The following PPFIA2 variants were observed in gnomAD, a reference collection of about 807,000 sequenced individuals.
The protein encoded by PPFIA2 is liprin-alpha-2.
Under a neutral mutation model 175.5 loss-of-function variants are expected in PPFIA2, and 46 were observed. The observed-to-expected ratio is 0.26, with a 90% CI of 0.21 to 0.34. PPFIA2 has a LOEUF of 0.34. PPFIA2 is among the 10% of genes least tolerant of loss of function. The pLI, the probability that PPFIA2 is intolerant of heterozygous loss-of-function variation, is 1.00. For synonymous variants in PPFIA2, 568 were observed against 511.4 expected (o/e 1.11, Z -1.49); for missense variants, 1,179 against 1,506.1 (o/e 0.78, Z 3.60).
chr12:81,754,595 G>A (rs2084353917), intron 2 of PPFIA2, among the ~76,000 whole-genome samples: 1 of 152,064 alleles, frequency 6.6e-6, no homozygotes, highest in South Asian at 2.1e-4. Context: ...ATCTCTTACA[G>A]CGAATACTTT....
chr12:81,394,819 A>C (rs972878548), intron 8 of PPFIA2, among the ~76,000 whole-genome samples: 7 of 152,014 alleles, frequency 4.6e-5, no homozygotes, highest in Non-Finnish European at 7.4e-5. Flanking sequence ...AAAAAAAAAA[A>C]AAAACTGTCC....
chr12:81,336,127 A>AT (rs1021870043), intron 21 of PPFIA2, among the ~76,000 whole-genome samples: 2 of 152,160 alleles, frequency 1.3e-5, no homozygotes, highest in African/African-American at 4.8e-5. Flanking sequence ...GAACAGAATA[A>AT]TTTTTTCAAA....
At chr12:81,373,469 T>C (rs976683479) in intron 11 of PPFIA2, among the ~76,000 whole-genome samples, 4 of 151,976 alleles carry the variant, frequency 2.6e-5, no homozygotes, top group African/African-American at 9.7e-5. Context: ...AAATCACATA[T>C]TCCTGAAATT....
rs1261292290 is a variant in PPFIA2, at chr12:81,259,368, A to G, written c.*326T>C. On this transcript the variant is annotated 3_prime_UTR_variant, in exon 33 of 33. Coordinates refer to ENST00000549396, the MANE Select transcript of PPFIA2 (RefSeq NM_003625.5). Reference sequence around the variant, plus strand: ...AATGCACGGTAATACATAAATGCCTAGTATATTACAATAAAACATGAAAAA... The same window carrying G: ...AATGCACGGTAATACATAAATGCCTGGTATATTACAATAAAACATGAAAAA... 5.1e-6 allele frequency: 3 copies of G among 594,038 alleles called. No homozygotes were observed. The highest frequency in any genetic ancestry group is 9.3e-6 in the Non-Finnish European group (3 of 323,398). The allele number at this position is 594,038 out of a possible 1,614,324, so 36.8% of individuals were successfully genotyped here.
chr12:81,467,652 C>A (rs1165081060), intron 4 of PPFIA2, among the ~76,000 whole-genome samples: 1 of 152,190 alleles, frequency 6.6e-6, no homozygotes, highest in Non-Finnish European at 1.5e-5. Flanking sequence ...GTCTCCTCAT[C>A]TCTCTGATTG....
intron 21 of PPFIA2, among the ~76,000 whole-genome samples, chr12:81,338,831 T>C (rs1253572044): frequency 6.6e-6 from 1 of 152,086 alleles, no homozygotes; most frequent in Non-Finnish European, 1.5e-5. Flanking sequence ...ATCACAGTTA[T>C]GCGATTTATG....
chr12:81,754,820 G>T lies in PPFIA2; in HGVS notation c.-2-597C>A, dbSNP rs545947862. Among the ~76,000 whole-genome samples, 4 of 152,018 alleles carry T rather than the reference G, an allele frequency of 2.6e-5. No homozygotes were observed. In the East Asian group the frequency reaches 5.8e-4, roughly 22 times the overall value. On this transcript the variant is annotated intron_variant, in intron 2 of 32. Coordinates refer to ENST00000549396, the MANE Select transcript of PPFIA2 (RefSeq NM_003625.5). ...TTAGTCAACCGATTTTTTTCAAACT[G>T]ACTAGTTTTAAGCTTTCTGACATTA...
intron 22 of PPFIA2, among the ~76,000 whole-genome samples, chr12:81,309,747 T>C (rs958545512): frequency 2.0e-5 from 3 of 152,126 alleles, no homozygotes; most frequent in African/African-American, 4.8e-5. Flanking sequence ...ATATAGGGCA[T>C]AGTCTCAGGA....
At chr12:81,440,172 G>A (rs1012679015) in intron 6 of PPFIA2, 126 bp from the exon 7 acceptor site, 30 of 571,120 alleles carry the variant, frequency 5.3e-5, no homozygotes, top group African/African-American at 8.0e-5. Flanking sequence ...ATATCCCTGC[G>A]TGCTCAGAAT....
intron 4 of PPFIA2, among the ~76,000 whole-genome samples, chr12:81,568,602 G>A (rs2071834991): frequency 6.6e-6 from 1 of 152,150 alleles, no homozygotes; most frequent in South Asian, 2.1e-4. Flanking sequence ...AGGGAGATTT[G>A]ATCTGAGAAC....
At chr12:81,717,625 A>G (rs1356181472) in intron 3 of PPFIA2, among the ~76,000 whole-genome samples, 1 of 151,730 alleles carries the variant, frequency 6.6e-6, no homozygotes, top group African/African-American at 2.4e-5. Flanking sequence ...CTTCAAAACT[A>G]ATATAGTCAT....
chr12:81,426,368 T>A (rs2047138872), intron 7 of PPFIA2, among the ~76,000 whole-genome samples: 1 of 152,146 alleles, frequency 6.6e-6, no homozygotes, highest in African/African-American at 2.4e-5. Context: ...AAACCATAAC[T>A]ATAATATAAT....
intron 4 of PPFIA2, among the ~76,000 whole-genome samples, chr12:81,561,581 G>A (rs1203977953): frequency 2.0e-5 from 3 of 152,098 alleles, no homozygotes; most frequent in Non-Finnish European, 2.9e-5. Flanking sequence ...GGCTCATATA[G>A]CTATCTTCCT....
intron 31 of PPFIA2, 82 bp downstream of exon 31, chr12:81,263,149 C>A: frequency 7.5e-7 from 1 of 1,341,478 alleles, no homozygotes; most frequent in Non-Finnish European, 1.0e-6. Flanking sequence ...AAAATAATTC[C>A]AAAAAGCAAG....
chr12:81,516,069 A>G (rs533167667), intron 4 of PPFIA2, among the ~76,000 whole-genome samples: 1 of 152,140 alleles, frequency 6.6e-6, no homozygotes, highest in Non-Finnish European at 1.5e-5. Context: ...CTCCAAATTT[A>G]TAATTCTTAT....
intron 4 of PPFIA2, among the ~76,000 whole-genome samples, chr12:81,536,180 C>G: frequency 6.6e-6 from 1 of 151,694 alleles, no homozygotes; most frequent in East Asian, 1.9e-4. Context: ...ACAAAGCTGA[C>G]AACTATTATT....
At chr12:81,393,702 G>T (rs1382612927) in intron 8 of PPFIA2, among the ~76,000 whole-genome samples, 1 of 152,066 alleles carries the variant, frequency 6.6e-6, no homozygotes, top group Non-Finnish European at 1.5e-5. Flanking sequence ...AGTCCACAAA[G>T]AGAACTTACC....
At chr12:81,410,818 C>T (rs888147522) in intron 7 of PPFIA2, among the ~76,000 whole-genome samples, 1 of 151,982 alleles carries the variant, frequency 6.6e-6, no homozygotes, top group African/African-American at 2.4e-5. Flanking sequence ...TCTCTATCTA[C>T]TAAGGAAGGT....
intron 4 of PPFIA2, among the ~76,000 whole-genome samples, chr12:81,493,730 T>TTGTG (rs3075419): frequency 5.7e-4 from 70 of 122,334 alleles, no homozygotes; most frequent in Non-Finnish European, 9.9e-4. Context: ...GAGTGTGTGT[T>TTGTG]TGTGTGTGTG....
Sources: gnomAD v4.1 joint callset for allele counts (sites outside exome capture counted in the v4.1 genomes callset) on GRCh38, gnomAD v4.1.1 for gene constraint, MANE v1.5 for transcripts, NCBI Gene and HGNC (gene_info 2026-07-23, HGNC 2026-07-21) for gene names.